GSE1: variants seen among roughly 807,000 people sequenced by gnomAD.
GSE1 encodes Gse1 coiled-coil protein.
In GSE1, 32 loss-of-function variants were observed where a neutral mutation model predicts 112.6. The observed-to-expected ratio is 0.28, with a 90% confidence interval of 0.21 to 0.38. GSE1 has a LOEUF of 0.38. GSE1 is among the 10% of genes least tolerant of loss of function. The pLI is 1.00. For missense variants in GSE1, 2,348 were observed against 1,699.2 expected (o/e 1.38, Z -6.71); for synonymous variants, 1,115 against 735.6 (o/e 1.52, Z -8.35).
intron 1 of GSE1, among the ~76,000 whole-genome samples, chr16:85,274,893 G>A (rs2144210222): frequency 6.6e-6 from 1 of 152,366 alleles, no homozygotes; most frequent in East Asian, 1.9e-4. Flanking sequence ...GTGGGGCCTG[G>A]CCCTCACTGC....
chr16:85,621,496 T>C (rs2048741355), intron 1 of GSE1, among the ~76,000 whole-genome samples: 1 of 152,212 alleles, frequency 6.6e-6, no homozygotes, highest in African/African-American at 2.4e-5. Context: ...TCCACCTAAA[T>C]GTACATCTTA....
At chr16:85,361,711 G>T (rs2047086025) in intron 2 of GSE1, among the ~76,000 whole-genome samples, 1 of 152,264 alleles carries the variant, frequency 6.6e-6, no homozygotes, top group South Asian at 2.1e-4. Flanking sequence ...AGCAGGTACA[G>T]GAGGAGCCTG....
intron 1 of GSE1, among the ~76,000 whole-genome samples, chr16:85,209,281 G>A (rs1468643967): frequency 2.0e-5 from 3 of 152,140 alleles, no homozygotes; most frequent in Non-Finnish European, 4.4e-5. Context: ...CTGAGGCACC[G>A]AGGATTAAGG....
intron 1 of GSE1, among the ~76,000 whole-genome samples, chr16:85,604,774 A>C (rs1338760442): frequency 2.2e-3 from 1 of 452 alleles, no homozygotes; most frequent in East Asian, 0.045. Flanking sequence ...AAAAAAAAAA[A>C]ATATATATAT....
upstream of GSE1, chr16:85,555,568 C>A: frequency 1.1e-6 from 1 of 946,420 alleles, no homozygotes; most frequent in Non-Finnish European, 1.3e-6. Flanking sequence ...CTCTCCCGCT[C>A]GCCCCCTCCT....
chr16:85,539,860 G>T (rs761971597), intron 2 of GSE1, among the ~76,000 whole-genome samples: 26 of 152,210 alleles, frequency 1.7e-4, no homozygotes, highest in Non-Finnish European at 3.5e-4. Context: ...ATGTGGGCAG[G>T]GCATTGCTCT....
chr16:85,501,098 G>T (rs1033511062), intron 2 of GSE1, among the ~76,000 whole-genome samples: 4 of 147,274 alleles, frequency 2.7e-5, no homozygotes, highest in Admixed American at 2.1e-4. Context: ...CCTCCCGGGT[G>T]CACACCATTC....
At chr16:85,379,230 C>T (rs2047491665) in intron 2 of GSE1, among the ~76,000 whole-genome samples, 10 of 152,200 alleles carry the variant, frequency 6.6e-5, no homozygotes, top group Admixed American at 6.5e-4. Flanking sequence ...TGCCATCTGG[C>T]AGAGGGAGTG....
chr16:85,502,668 G>A (rs2051408949), intron 2 of GSE1, among the ~76,000 whole-genome samples: 1 of 152,230 alleles, frequency 6.6e-6, no homozygotes, highest in African/African-American at 2.4e-5. Flanking sequence ...GAACCCTACA[G>A]GGTCAGAGGC....
At chr16:85,591,433 C>T (rs920170232) in intron 1 of GSE1, among the ~76,000 whole-genome samples, 1 of 152,254 alleles carries the variant, frequency 6.6e-6, no homozygotes, top group Non-Finnish European at 1.5e-5. Context: ...GTGGCTCTAA[C>T]TTTTCTCCCG....
intron 2 of GSE1, among the ~76,000 whole-genome samples, chr16:85,434,055 C>T (rs1397957701): frequency 1.3e-5 from 2 of 152,140 alleles, no homozygotes; most frequent in African/African-American, 4.8e-5. Context: ...CACCAATCTC[C>T]CACCCAAAGG....
chr16:85,218,028 G>A (rs1251592935), intron 1 of GSE1, among the ~76,000 whole-genome samples: 1 of 152,086 alleles, frequency 6.6e-6, no homozygotes, highest in Admixed American at 6.5e-5. Flanking sequence ...AGCCTCCTGT[G>A]TAACTGGGAC....
intron 2 of GSE1, among the ~76,000 whole-genome samples, chr16:85,421,418 G>C (rs538097147): frequency 6.6e-6 from 1 of 152,110 alleles, no homozygotes; most frequent in African/African-American, 2.4e-5. Flanking sequence ...GCAAGCAGGG[G>C]CTCCACCGCC....
intron 1 of GSE1, among the ~76,000 whole-genome samples, chr16:85,585,353 C>G (rs1375834828): frequency 6.6e-6 from 1 of 152,232 alleles, no homozygotes; most frequent in East Asian, 1.9e-4. Context: ...TCTCTCTTCC[C>G]TTTTTGGCGG....
At position 85,373,377 on chromosome 16, in the gene GSE1, C is replaced by T. The variant is rs866754176; in HGVS notation, c.2464+15734C>T. Among the ~76,000 whole-genome samples, 1 of 152,194 alleles carries T rather than the reference C, an allele frequency of 6.6e-6. No homozygotes were observed. Among genetic ancestry groups the T allele is most frequent in the African/African-American group, 2.4e-5 (1 of 41,442 alleles). On this transcript the variant is annotated intron_variant, in intron 2 of 2. Transcript: ENST00000637419. This position sits in a 1 kb window ranked among gnomAD's most constrained non-coding sequence, Gnocchi z 5.1. ...TTTGTTTGGGTGTCTCTGGTGTCTT[C>T]TCTTGTCAAACAGACAAAAAATGGA...
At chr16:85,481,134 A>G (rs2050669479) in intron 2 of GSE1, among the ~76,000 whole-genome samples, 1 of 151,332 alleles carries the variant, frequency 6.6e-6, no homozygotes, top group African/African-American at 2.4e-5. Flanking sequence ...TTCTCTCCCC[A>G]CCCGGTCCAT....
At chr16:85,613,648 G>A (rs1037128278) in intron 1 of GSE1, among the ~76,000 whole-genome samples, 2 of 151,048 alleles carry the variant, frequency 1.3e-5, no homozygotes, top group African/African-American at 4.9e-5. Context: ...GCTCAGGAGT[G>A]CGCTCAGCGG....
chr16:85,207,513 CTG>C (rs2075140189), intron 1 of GSE1, among the ~76,000 whole-genome samples: 1 of 152,142 alleles, frequency 6.6e-6, no homozygotes, highest in South Asian at 2.1e-4. Flanking sequence ...CTGGGGGTGA[CTG>C]AGGGTCATTC....
At chr16:85,316,866 C>T (rs1053661650) in intron 1 of GSE1, among the ~76,000 whole-genome samples, 3 of 152,174 alleles carry the variant, frequency 2.0e-5, no homozygotes, top group Non-Finnish European at 2.9e-5. Flanking sequence ...GGCTGCAGCC[C>T]CTCAGGGCAC....
Sources: gnomAD v4.1 joint callset for allele counts (sites outside exome capture counted in the v4.1 genomes callset) on GRCh38, gnomAD v4.1.1 for gene constraint, Gnocchi (gnomAD v3.1) non-coding constraint, MANE v1.5 for transcripts, NCBI Gene and HGNC (gene_info 2026-07-23, HGNC 2026-07-21) for gene names.